EIF3H: variants seen among roughly 807,000 people sequenced by gnomAD.
The protein encoded by EIF3H is eIF-3-gamma.
Under a neutral mutation model 44.2 loss-of-function variants are expected in EIF3H, and 26 were observed. The observed-to-expected ratio is 0.59, with a 90% CI of 0.43 to 0.82. EIF3H has a LOEUF of 0.82. EIF3H is among the 40% of genes least tolerant of loss of function. The pLI, the probability that EIF3H is intolerant of heterozygous loss-of-function variation, is 0.00. For missense variants in EIF3H, 359 were observed against 432.8 expected (o/e 0.83, Z 1.51); for synonymous variants, 166 against 151.9 (o/e 1.09, Z -0.68).
intron 2 of EIF3H, among the ~76,000 whole-genome samples, chr8:116,707,297 A>C (rs1481144294): frequency 6.6e-6 from 1 of 152,310 alleles, no homozygotes; most frequent in African/African-American, 2.4e-5. Flanking sequence ...AATGGTCCAA[A>C]AGGATATCTA....
intron 1 of EIF3H, among the ~76,000 whole-genome samples, chr8:116,761,210 A>G (rs1004411718): frequency 3.9e-5 from 6 of 152,190 alleles, no homozygotes; most frequent in Non-Finnish European, 8.8e-5. Context: ...GGAGAGCACT[A>G]TTTAAATCTG....
At chr8:116,709,755 G>A (rs758683777) in intron 2 of EIF3H, among the ~76,000 whole-genome samples, 14 of 152,142 alleles carry the variant, frequency 9.2e-5, no homozygotes, top group Non-Finnish European at 1.3e-4. Context: ...AAGTAAAAAT[G>A]CTAGGATTAT....
At chr8:116,699,184 T>C (rs1436005937) in intron 2 of EIF3H, among the ~76,000 whole-genome samples, 1 of 151,866 alleles carries the variant, frequency 6.6e-6, no homozygotes, top group East Asian at 1.9e-4. Flanking sequence ...TTTACTTGGG[T>C]GTACATGCCT....
chr8:116,657,342 C>T (rs1024620885), intron 3 of EIF3H, 28 bp from the exon 4 acceptor site: 2 of 1,569,942 alleles, frequency 1.3e-6, no homozygotes, highest in Non-Finnish European at 1.8e-6. Context: ...AAATAAATTA[C>T]TAAGAATTTT....
In EIF3H at chr8:116,657,290, G is replaced by C; in HGVS notation, c.482C>G (p.Ser161Cys). ...IYDPIKTAQG[S>C]LSLKAYRLTP... Reference sequence around the variant, plus strand: ...CAGTCTGTATGCCTTTAGTGAGAGAGATCCTTGGGCAGTTTTTATGGGATC... The same window carrying C: ...CAGTCTGTATGCCTTTAGTGAGAGACATCCTTGGGCAGTTTTTATGGGATC... The change falls in exon 4 of 8, where the codon TCT becomes TGT. Residue 161 changes from serine to cysteine, a missense_variant. By Grantham distance (112) the Ser-to-Cys change is moderately radical. Transcript: ENST00000521861. The C allele has an allele frequency of 2.5e-6, 4 of 1,613,594 alleles. No homozygotes were observed. Among genetic ancestry groups the C allele is most frequent in the Non-Finnish European group, 3.4e-6 (4 of 1,179,610 alleles).
chr8:116,647,667 T>A (rs892170214), intron 6 of EIF3H, among the ~76,000 whole-genome samples: 2 of 152,172 alleles, frequency 1.3e-5, no homozygotes, highest in Non-Finnish European at 2.9e-5. Context: ...GAAACCAAGC[T>A]GGGCTAGTAA....
chr8:116,683,445 G>A (rs1164787750), intron 2 of EIF3H, among the ~76,000 whole-genome samples: 1 of 152,040 alleles, frequency 6.6e-6, no homozygotes, highest in Non-Finnish European at 1.5e-5. Context: ...TTCTTATAAG[G>A]ACATGAGCCC....
At chr8:116,707,475 GA>G (rs1204818932) in intron 2 of EIF3H, among the ~76,000 whole-genome samples, 3 of 152,130 alleles carry the variant, frequency 2.0e-5, no homozygotes, top group Admixed American at 6.6e-5. Context: ...ATTCAAGATA[GA>G]AGGGAAGGCA....
chr8:116,657,920 A>G (rs1469749791), intron 3 of EIF3H: 1 of 152,408 alleles, frequency 6.6e-6, no homozygotes, highest in East Asian at 1.9e-4. Context: ...TTGCTGCATG[A>G]TAACGGCTCT....
At chr8:116,666,978 T>C (rs1029190303) in intron 2 of EIF3H, among the ~76,000 whole-genome samples, 1 of 152,198 alleles carries the variant, frequency 6.6e-6, no homozygotes, top group Non-Finnish European at 1.5e-5. Context: ...CCTGTGTGCA[T>C]GTGTACACGC....
At chr8:116,751,572 T>C (rs1015600310) in intron 1 of EIF3H, among the ~76,000 whole-genome samples, 1 of 152,176 alleles carries the variant, frequency 6.6e-6, no homozygotes, top group Non-Finnish European at 1.5e-5. Context: ...TTTGTACATG[T>C]TAAATATGAG....
rs182154806 is a variant in EIF3H at position 116,646,321 on chromosome 8, A to G, written c.961+150T>C. The G allele has an allele frequency of 1.0e-4, 114 of 1,139,344 alleles. 1 individual carries two copies. In the African/African-American group the frequency reaches 1.4e-3, roughly 14 times the overall value. 70.6% of individuals were successfully genotyped at this position (1,139,344 alleles called of 1,614,324 possible). On this transcript the variant is annotated intron_variant, in intron 7 of 7. Coordinates refer to ENST00000521861, the MANE Select transcript of EIF3H (RefSeq NM_003756.3). The stretch of plus-strand genomic sequence containing the variant: ...ACTCTTACAAGTTCTTAGATTTCAG[A>G]TATTACAGGTGCTAGATTCAAATTC...
At chr8:116,738,034 C>CAA (rs750259420) in intron 1 of EIF3H, among the ~76,000 whole-genome samples, 11,306 of 68,296 alleles carry the variant, frequency 0.17, 830 homozygotes, top group East Asian at 0.48. Context: ...GGCTCCATCT[C>CAA]AAAAAAAAAA....
intron 2 of EIF3H, among the ~76,000 whole-genome samples, chr8:116,681,066 C>T (rs749362480): frequency 6.6e-6 from 1 of 151,742 alleles, no homozygotes; most frequent in South Asian, 2.1e-4. Context: ...GAAACACATA[C>T]AAAAGGTAAA....
chr8:116,753,243 C>T (rs1815388492), intron 1 of EIF3H, among the ~76,000 whole-genome samples: 12 of 152,064 alleles, frequency 7.9e-5, no homozygotes, highest in Admixed American at 7.9e-4. Context: ...AATATCTACC[C>T]AACCGATGGA....
At chr8:116,687,782 G>C (rs926219008) in intron 2 of EIF3H, among the ~76,000 whole-genome samples, 1 of 152,138 alleles carries the variant, frequency 6.6e-6, no homozygotes, top group Middle Eastern at 3.4e-3. Context: ...TCCTTTTAAA[G>C]ATACTTAGAA....
chr8:116,689,857 T>C (rs1296332123), intron 2 of EIF3H, among the ~76,000 whole-genome samples: 1 of 152,168 alleles, frequency 6.6e-6, no homozygotes, highest in African/African-American at 2.4e-5. Flanking sequence ...TTTAGTTAAC[T>C]AGTATGAGTA....
intron 2 of EIF3H, among the ~76,000 whole-genome samples, chr8:116,659,581 C>T (rs1178105516): frequency 6.6e-6 from 1 of 152,046 alleles, no homozygotes; most frequent in Non-Finnish European, 1.5e-5. Context: ...ATTATTTTTT[C>T]TTGTCTGTGT....
chr8:116,646,233 G>A (rs984788600), intron 7 of EIF3H, among the ~76,000 whole-genome samples: 17 of 152,170 alleles, frequency 1.1e-4, no homozygotes, highest in African/African-American at 3.6e-4. Context: ...GAAAGTTTAT[G>A]CCATCTCAAA....
Sources: gnomAD v4.1 joint callset for allele counts (sites outside exome capture counted in the v4.1 genomes callset) on GRCh38, gnomAD v4.1.1 for gene constraint, MANE v1.5 for transcripts, NCBI Gene and HGNC (gene_info 2026-07-23, HGNC 2026-07-21) for gene names.